The following ANO1 variants were observed in gnomAD, a reference collection of about 807,000 sequenced individuals.
ANO1 encodes anoctamin 1.
ANO1 carries 59 observed loss-of-function variants against 124.0 expected under a neutral mutation model. The ratio of observed to expected loss-of-function variants is 0.48; its 90% CI spans 0.39 to 0.59. The LOEUF (loss-of-function observed/expected upper bound fraction) is 0.59. Ranked by LOEUF, ANO1 falls within the 20% of genes least tolerant of loss-of-function variation. The pLI is 0.00. For synonymous variants in ANO1, 529 were observed against 532.0 expected (o/e 0.99, Z 0.08); for missense variants, 1,059 against 1,328.0 (o/e 0.80, Z 3.15).
intron 7 of ANO1, among the ~76,000 whole-genome samples, chr11:70,114,268 T>C (rs1282353591): frequency 1.3e-5 from 2 of 152,228 alleles, no homozygotes; most frequent in African/African-American, 4.8e-5. Flanking sequence ...CCCTAGGCTG[T>C]GGGTGGCAGG....
chr11:70,067,325 T>A (rs74875412), intron 1 of ANO1, among the ~76,000 whole-genome samples: 1 of 111,542 alleles, frequency 9.0e-6, no homozygotes, highest in South Asian at 2.6e-4. Context: ...TCGTGGGTGT[T>A]TTTTTTTTTT....
At chr11:70,166,277 C>A (rs189260986) in intron 20 of ANO1, among the ~76,000 whole-genome samples, 1 of 152,278 alleles carries the variant, frequency 6.6e-6, no homozygotes, top group African/African-American at 2.4e-5. Context: ...GAGATCGCAC[C>A]ACTGCACTCC....
chr11:70,120,789 G>A (rs1345812504), intron 8 of ANO1, among the ~76,000 whole-genome samples: 7 of 152,170 alleles, frequency 4.6e-5, no homozygotes, highest in Non-Finnish European at 8.8e-5. Flanking sequence ...CGACAAGAGA[G>A]ACGCCTGAGG....
intron 2 of ANO1, among the ~76,000 whole-genome samples, chr11:70,097,796 C>G (rs116464171): frequency 0.013 from 1,943 of 152,328 alleles, 43 homozygotes; most frequent in African/African-American, 0.044. Flanking sequence ...CCTTCTCCCT[C>G]ACTCAGTGGA....
chr11:70,025,815 GTGATGATGATGGTGGTGGTGA>G (rs561154765), intron 1 of ANO1, among the ~76,000 whole-genome samples: 15,884 of 127,354 alleles, frequency 0.12, 1,624 homozygotes, highest in African/African-American at 0.16. Flanking sequence ...GATGATGATG[GTGATGATGATGGTGGTGGTGA>G]TGATGATGAT....
rs372809100 is a variant in ANO1, at chr11:70,161,243, C to A, written c.1661C>A (p.Pro554His). ...GCCGCCTTGGCCATGAACTCCTCCC[C>A]CTCCGTGCGGTCCAACATCCGGGTC... ...MAAALAMNSS[P>H]SVRSNIRVTV... Residue 554 changes from proline (P) to histidine (H), a missense_variant, in exon 17 of 26, where the codon CCC becomes CAC. Around this residue, in one of 2 missense-constraint regions of ANO1, gnomAD observed 809 missense variants for 1,094.9 expected, o/e 0.74. Coordinates refer to ENST00000355303, the MANE Select transcript of ANO1 (RefSeq NM_018043.7). 2 of 1,613,950 alleles carry A rather than the reference C, an allele frequency of 1.2e-6. No homozygotes were observed. Among genetic ancestry groups the A allele is most frequent in the South Asian group, 1.1e-5 (1 of 91,086 alleles).
Position 70,001,753 on chromosome 11 carries a change from A to G in ANO1, c.58+15587A>G, listed in dbSNP as rs552980490. On this transcript the variant is annotated intron_variant, in intron 1 of 27. Coordinates refer to the ANO1 transcript ENST00000531349. Reference sequence around the variant, plus strand: ...GTATTGCAGGTGCTTTTCTGTATATATCTGTGACACTTCAATAAGATGTGT... The same window carrying G: ...GTATTGCAGGTGCTTTTCTGTATATGTCTGTGACACTTCAATAAGATGTGT... Among the ~76,000 whole-genome samples the G allele has an allele frequency of 1.1e-3, 169 of 151,176 alleles. 1 individual carries two copies. Among genetic ancestry groups the G allele is most frequent in the African/African-American group, 4.0e-3 (164 of 41,260 alleles).
At chr11:70,181,456 C>T (rs2048925572) in intron 23 of ANO1, among the ~76,000 whole-genome samples, 1 of 152,228 alleles carries the variant, frequency 6.6e-6, no homozygotes, top group Non-Finnish European at 1.5e-5. Context: ...GCAGAGTGTG[C>T]ACACCGGGAT....
At chr11:70,126,350 A>G (rs750789872) in intron 10 of ANO1, among the ~76,000 whole-genome samples, 155 bp downstream of exon 10, 11 of 152,158 alleles carry the variant, frequency 7.2e-5, no homozygotes, top group Admixed American at 1.3e-4. Flanking sequence ...AGGAAAGGAC[A>G]TGGTTCGAAG....
At chr11:69,966,191 G>A in the ANO1 span, among the ~76,000 whole-genome samples, 2 of 152,240 alleles carry the variant, frequency 1.3e-5, no homozygotes. Flanking sequence ...ACCTGCAACC[G>A]TGGCTTTTCA....
chr11:70,017,657 G>T (rs1169711774), intron 1 of ANO1, among the ~76,000 whole-genome samples: 1 of 151,906 alleles, frequency 6.6e-6, no homozygotes, highest in African/African-American at 2.4e-5. Flanking sequence ...TGGGATTACG[G>T]GTGTGCACCA....
At chr11:70,136,852 G>A (rs1428326405) in intron 11 of ANO1, among the ~76,000 whole-genome samples, 1 of 147,710 alleles carries the variant, frequency 6.8e-6, no homozygotes, top group Non-Finnish European at 1.5e-5. Context: ...AAAGGCGTTC[G>A]ATTTTCCAGA....
At chr11:70,009,316 T>A (rs547675186) in intron 1 of ANO1, among the ~76,000 whole-genome samples, 13 of 152,192 alleles carry the variant, frequency 8.5e-5, no homozygotes, top group African/African-American at 2.9e-4. Flanking sequence ...GGAGGGAGGA[T>A]AGCAGCTCTG....
In ANO1 at chr11:70,105,541, C is replaced by G. The variant is rs145072370; in HGVS notation, c.693-193C>G. On this transcript the variant is annotated intron_variant, in intron 4 of 25. Transcript: ENST00000355303. The stretch of plus-strand genomic sequence containing the variant: ...ACCTATGTGGGTCTCAGGCCTCGCC[C>G]AGGTGCGGGGGCAGTGAAACAGTCT... Among the ~76,000 whole-genome samples, 27 of 152,310 alleles carry G rather than the reference C, an allele frequency of 1.8e-4. 1 individual carries two copies. In the East Asian group the frequency reaches 4.7e-3, roughly 26 times the overall value.
intron 1 of ANO1, among the ~76,000 whole-genome samples, chr11:70,071,230 G>T (rs1426511152): frequency 6.6e-6 from 1 of 152,202 alleles, no homozygotes; most frequent in Non-Finnish European, 1.5e-5. Context: ...TTCTCTACAT[G>T]TGTGCTGTAC....
At chr11:70,149,150 G>A (rs2135621001) in intron 11 of ANO1, among the ~76,000 whole-genome samples, 1 of 152,202 alleles carries the variant, frequency 6.6e-6, no homozygotes, top group South Asian at 2.1e-4. Flanking sequence ...TTGAGGCACG[G>A]GCTCTCAGAC....
chr11:70,173,776 C>T (rs1395917061), intron 22 of ANO1, among the ~76,000 whole-genome samples: 1 of 152,154 alleles, frequency 6.6e-6, no homozygotes, highest in Admixed American at 6.5e-5. Context: ...CAGGGCCGGG[C>T]GCAGTGGCTC....
chr11:70,126,499 T>C (rs1394198992), intron 10 of ANO1, among the ~76,000 whole-genome samples: 3 of 152,254 alleles, frequency 2.0e-5, no homozygotes, highest in African/African-American at 7.2e-5. Context: ...TTTTTCACTG[T>C]TGGTCATTAG....
At position 70,125,141 on chromosome 11, in the gene ANO1, G is replaced by A. The variant is rs1025460143; in HGVS notation, c.962+727G>A. Among the ~76,000 whole-genome samples, 15 of 152,130 alleles carry A rather than the reference G, an allele frequency of 9.9e-5. No individual in the cohort carries two copies. In the East Asian group the frequency reaches 1.6e-3, roughly 16 times the overall value. ...GTGGATTACTTGAGGTCAGGAGTTCGAGACCAGCCTGGCCAACATGGTGAA... is the reference window on the plus strand; with the variant it reads ...GTGGATTACTTGAGGTCAGGAGTTCAAGACCAGCCTGGCCAACATGGTGAA... On this transcript the variant is annotated intron_variant, in intron 9 of 25. Coordinates refer to ENST00000355303, the MANE Select transcript of ANO1 (RefSeq NM_018043.7).
Sources: allele counts gnomAD v4.1 joint callset (sites outside exome capture counted in the v4.1 genomes callset), GRCh38; gene constraint gnomAD v4.1.1; regional missense constraint gnomAD v4.1.1; transcripts MANE v1.5; gene names NCBI Gene and HGNC (gene_info 2026-07-23, HGNC 2026-07-21).